Variants in SH3RF3 observed in about 807,000 individuals in gnomAD.
The protein encoded by SH3RF3 is E3 ubiquitin-protein ligase SH3RF3.
In SH3RF3, 29 loss-of-function variants were observed where a neutral mutation model predicts 66.3. That is an observed-to-expected ratio of 0.44 (90% CI 0.33 to 0.60). The LOEUF is 0.60. Among genes scored for constraint, SH3RF3 ranks in the 20% least tolerant of loss-of-function variants. SH3RF3 has a pLI of 0.04. For missense variants in SH3RF3, 1,194 were observed against 1,190.9 expected, an observed-to-expected ratio of 1.00 and a Z score of -0.04; for synonymous variants, 583 against 532.0, an observed-to-expected ratio of 1.10 and a Z score of -1.32.
At chr2:109,446,216 A>G (rs1037965432) in intron 7 of SH3RF3, among the ~76,000 whole-genome samples, 7 of 152,244 alleles carry the variant, frequency 4.6e-5, no homozygotes, top group Admixed American at 3.3e-4. Context: ...CTCACGCTAC[A>G]GTTTTTCTTC....
intron 3 of SH3RF3, among the ~76,000 whole-genome samples, chr2:109,396,519 C>A (rs892593155): frequency 8.5e-5 from 13 of 152,310 alleles, no homozygotes; most frequent in Non-Finnish European, 1.6e-4. Flanking sequence ...GATGGGGCCA[C>A]CCTTTATCAT....
intron 8 of SH3RF3, among the ~76,000 whole-genome samples, chr2:109,473,393 A>G (rs1265633236): frequency 6.6e-6 from 1 of 152,238 alleles, no homozygotes; most frequent in African/African-American, 2.4e-5. Flanking sequence ...TGAGGCCCCC[A>G]TCAGCATTTG....
At chr2:109,275,313 A>G (rs2105328809) in intron 1 of SH3RF3, among the ~76,000 whole-genome samples, 1 of 152,276 alleles carries the variant, frequency 6.6e-6, no homozygotes, top group Middle Eastern at 3.4e-3. Context: ...ACCAGGGGAA[A>G]TCAGATCACC....
At chr2:109,153,037 C>T (rs1677258619) in intron 1 of SH3RF3, among the ~76,000 whole-genome samples, 1 of 152,132 alleles carries the variant, frequency 6.6e-6, no homozygotes, top group Non-Finnish European at 1.5e-5. Context: ...CAGAAATGGA[C>T]CCAGTCTACA....
chr2:109,383,565 C>T (rs1038177452), intron 3 of SH3RF3, among the ~76,000 whole-genome samples: 4 of 152,158 alleles, frequency 2.6e-5, no homozygotes, highest in Admixed American at 6.5e-5. Context: ...GGCTGAGGCA[C>T]GTTTAAGATT....
At chr2:109,469,267 A>T (rs1177265808) in intron 8 of SH3RF3, among the ~76,000 whole-genome samples, 3 of 152,226 alleles carry the variant, frequency 2.0e-5, no homozygotes, top group African/African-American at 4.8e-5. Flanking sequence ...AAGGGCCTGG[A>T]TCTAACAGCC....
intron 1 of SH3RF3, among the ~76,000 whole-genome samples, chr2:109,148,282 A>T (rs1677145445): frequency 6.6e-6 from 1 of 152,242 alleles, no homozygotes; most frequent in Non-Finnish European, 1.5e-5. Context: ...CCACATGAGC[A>T]GAGCACGTGA....
intron 1 of SH3RF3, among the ~76,000 whole-genome samples, chr2:109,319,821 A>C (rs975342705): frequency 2.0e-5 from 3 of 152,086 alleles, no homozygotes. Context: ...AAACAAAGGC[A>C]CCTCTGTCCC....
chr2:109,402,745 G>A (rs1270093687), intron 4 of SH3RF3, among the ~76,000 whole-genome samples: 1 of 152,206 alleles, frequency 6.6e-6, no homozygotes, highest in Non-Finnish European at 1.5e-5. Flanking sequence ...TGGTCATCTG[G>A]ACCAGGACTT....
intron 1 of SH3RF3, among the ~76,000 whole-genome samples, chr2:109,342,004 A>G (rs1286705133): frequency 6.6e-6 from 1 of 152,200 alleles, no homozygotes; most frequent in South Asian, 2.1e-4. Flanking sequence ...CTTGGTGTGT[A>G]TACAATTAGG....
chr2:109,296,492 T>G (rs946516248), intron 1 of SH3RF3, among the ~76,000 whole-genome samples: 1 of 152,108 alleles, frequency 6.6e-6, no homozygotes, highest in African/African-American at 2.4e-5. Context: ...TCCACCCGCT[T>G]CAGCCTCCCA....
intron 1 of SH3RF3, among the ~76,000 whole-genome samples, chr2:109,192,478 G>A (rs1678390579): frequency 6.6e-6 from 1 of 152,144 alleles, no homozygotes; most frequent in Admixed American, 6.5e-5. Context: ...ATTTGTATTA[G>A]CCTGGTATAC....
chr2:109,381,092 G>A (rs549751339), intron 3 of SH3RF3, among the ~76,000 whole-genome samples: 1 of 152,370 alleles, frequency 6.6e-6, no homozygotes, highest in African/African-American at 2.4e-5. Flanking sequence ...TCTACCACTT[G>A]CTGAGTGCAG....
At chr2:109,332,025 C>T (rs563390562) in intron 1 of SH3RF3, among the ~76,000 whole-genome samples, 5 of 152,278 alleles carry the variant, frequency 3.3e-5, no homozygotes, top group East Asian at 3.9e-4. Flanking sequence ...CAGCGGTTAC[C>T]GGAAATCTGT....
intron 1 of SH3RF3, among the ~76,000 whole-genome samples, chr2:109,218,840 CACACACAA>C (rs1377695985): frequency 4.0e-4 from 61 of 152,306 alleles, no homozygotes; most frequent in African/African-American, 1.4e-3. Flanking sequence ...TAATCAAACA[CACACACAA>C]ACACACAAAC....
At chr2:109,280,642 A>G (rs564530293) in intron 1 of SH3RF3, among the ~76,000 whole-genome samples, 8 of 152,340 alleles carry the variant, frequency 5.3e-5, no homozygotes, top group Non-Finnish European at 7.3e-5. Flanking sequence ...CTGCTCATCA[A>G]AAGATTATTT....
chr2:109,467,479 G>C (rs1678384393), intron 8 of SH3RF3, among the ~76,000 whole-genome samples: 1 of 152,222 alleles, frequency 6.6e-6, no homozygotes, highest in Non-Finnish European at 1.5e-5. Flanking sequence ...GGGACTGGAA[G>C]AAGCCCTGGA....
At chr2:109,319,994 G>A (rs1681983651) in intron 1 of SH3RF3, among the ~76,000 whole-genome samples, 1 of 152,178 alleles carries the variant, frequency 6.6e-6, no homozygotes, top group African/African-American at 2.4e-5. Context: ...AGAGTGGGGG[G>A]TGCTATTCTG....
chr2:109,271,293 G>A lies in SH3RF3; in HGVS notation c.574-76381G>A, dbSNP rs375299988. ...ACCCAGGAGTCTCCTACCTTGTTTG[G>A]TGTGAAATCTGTAAACATCTCCTTC... is the stretch of plus-strand genomic sequence containing the variant. On this transcript the variant is annotated intron_variant, in intron 1 of 9. Coordinates refer to ENST00000309415, the MANE Select transcript of SH3RF3 (RefSeq NM_001099289.3). Among the ~76,000 whole-genome samples, 64 of 152,306 alleles carry A rather than the reference G, an allele frequency of 4.2e-4. 1 individual carries two copies. The South Asian group carries it at 0.013, about 31-fold the overall frequency.
Sources: gnomAD v4.1 joint callset for allele counts (sites outside exome capture counted in the v4.1 genomes callset) on GRCh38, gnomAD v4.1.1 for gene constraint, MANE v1.5 for transcripts, NCBI Gene and HGNC (gene_info 2026-07-23, HGNC 2026-07-21) for gene names.